CLSTN2: variants seen among roughly 807,000 people sequenced by gnomAD.
The protein encoded by CLSTN2 is calsyntenin-2.
In CLSTN2, 48 loss-of-function variants were observed where a neutral mutation model predicts 101.2. The ratio of observed to expected loss-of-function variants is 0.47; its 90% CI spans 0.38 to 0.60. CLSTN2 has a LOEUF of 0.60. Ranked by LOEUF, CLSTN2 falls within the 20% of genes least tolerant of loss-of-function variation. The probability of loss-of-function intolerance (pLI) is 0.00; values close to 1 mark genes in which losing one functional copy is unlikely to be tolerated. For synonymous variants in CLSTN2, 481 were observed against 463.6 expected, an observed-to-expected ratio of 1.04 and a Z score of -0.48; for missense variants, 1,160 against 1,238.2, an observed-to-expected ratio of 0.94 and a Z score of 0.95.
intron 8 of CLSTN2, among the ~76,000 whole-genome samples, chr3:140,516,550 A>ATTT (rs111255841): frequency 1.3e-4 from 19 of 142,864 alleles, no homozygotes; most frequent in African/African-American, 2.3e-4. Flanking sequence ...TTCTTTTGGC[A>ATTT]TTTTTTTTTT....
chr3:140,064,119 A>G (rs1214368048), intron 1 of CLSTN2, among the ~76,000 whole-genome samples: 2 of 152,162 alleles, frequency 1.3e-5, no homozygotes, highest in African/African-American at 4.8e-5. Context: ...TCTCAGTCTG[A>G]CTGAAGGAGG....
chr3:140,044,959 G>A lies in CLSTN2; in HGVS notation c.109+109476G>A, dbSNP rs372271400. Among the ~76,000 whole-genome samples the A allele has an allele frequency of 9.9e-5, 15 of 152,216 alleles. No individual in the cohort carries two copies. In the East Asian group the frequency reaches 1.5e-3, roughly 16 times the overall value. On this transcript the variant is annotated intron_variant, in intron 1 of 16. Transcript: ENST00000458420. ...ATATTTTATTGAGGATTTTTGCATC[G>A]ATGTTCATCAGGGATATTGGTCTAA...
At chr3:140,268,975 T>C (rs2086718414) in intron 2 of CLSTN2, among the ~76,000 whole-genome samples, 2 of 152,198 alleles carry the variant, frequency 1.3e-5, no homozygotes, top group Non-Finnish European at 2.9e-5. Flanking sequence ...AATATTGTTA[T>C]TCAGTAGAGA....
intron 1 of CLSTN2, among the ~76,000 whole-genome samples, chr3:139,987,519 C>A (rs550997590): frequency 6.6e-6 from 1 of 152,216 alleles, no homozygotes. Context: ...CCAACAGGGT[C>A]TCTTTCCAAA....
chr3:140,177,188 G>T (rs879479919), intron 2 of CLSTN2, among the ~76,000 whole-genome samples: 1 of 152,158 alleles, frequency 6.6e-6, no homozygotes, highest in Admixed American at 6.5e-5. Context: ...AAACCACTAA[G>T]GGTACCTGTG....
chr3:140,265,517 G>C (rs868815326), intron 2 of CLSTN2, among the ~76,000 whole-genome samples: 1 of 152,130 alleles, frequency 6.6e-6, no homozygotes, highest in South Asian at 2.1e-4. Flanking sequence ...CAGCCTTTAA[G>C]AAAACAAGCT....
At chr3:140,510,189 G>A (rs776427551) in intron 8 of CLSTN2, among the ~76,000 whole-genome samples, 46 of 152,274 alleles carry the variant, frequency 3.0e-4, no homozygotes, top group Non-Finnish European at 2.8e-4. Flanking sequence ...TACTGAATAC[G>A]TATTGTTTTT....
intron 1 of CLSTN2, among the ~76,000 whole-genome samples, chr3:140,107,346 C>T (rs571311889): frequency 4.0e-4 from 61 of 152,318 alleles, no homozygotes; most frequent in African/African-American, 1.4e-3. Context: ...TCCACTCCCT[C>T]TCCCTAGCCT....
At chr3:140,172,156 GC>G (rs1331044138) in intron 1 of CLSTN2, among the ~76,000 whole-genome samples, 1 of 137,604 alleles carries the variant, frequency 7.3e-6, no homozygotes, top group Non-Finnish European at 1.5e-5. Context: ...GATTATTCTA[GC>G]CCCCCTCTAA....
intron 5 of CLSTN2, among the ~76,000 whole-genome samples, chr3:140,436,602 C>T (rs569365145): frequency 1.1e-4 from 17 of 152,344 alleles, no homozygotes; most frequent in African/African-American, 2.2e-4. Context: ...GCCCCTGTGG[C>T]TTGGGTGTTC....
At position 140,574,549 on chromosome 3, in the gene CLSTN2, C is replaced by T. The variant is rs1046097157; in HGVS notation, c.*8296C>T. The T allele has an allele frequency of 6.6e-6, 1 of 152,190 alleles. No homozygotes were observed. The highest frequency in any genetic ancestry group is 1.5e-5 in the Non-Finnish European group (1 of 68,040). The allele number at this position is 152,190 out of a possible 1,614,324, so 9.4% of individuals were successfully genotyped here. A position where few individuals can be genotyped will look rare whatever the true frequency, so the allele number is the denominator to read the frequency against. On this transcript the variant is annotated 3_prime_UTR_variant, in exon 17 of 17. Coordinates refer to ENST00000458420, the MANE Select transcript of CLSTN2 (RefSeq NM_022131.3). ...ATTCATCAACATGAAGTTCAATTCC[C>T]AGTAGACTAATGAAAAGAGGGCAAC...
Position 139,943,828 on chromosome 3 carries a change from A to G in CLSTN2, c.109+8345A>G, listed in dbSNP as rs141268400. Among the ~76,000 whole-genome samples the G allele has an allele frequency of 7.6e-4, 116 of 152,308 alleles. 1 individual carries two copies. The East Asian group carries it at 0.019, about 25-fold the overall frequency. ...TTAGGGGCTCAGGCATTCACAGAGC[A>G]AAGGCCAGGACTGGAGGTATCTTCA... On this transcript the variant is annotated intron_variant, in intron 1 of 16. Transcript: ENST00000458420.
At chr3:140,476,042 T>C (rs957787404) in intron 8 of CLSTN2, among the ~76,000 whole-genome samples, 11 of 152,216 alleles carry the variant, frequency 7.2e-5, no homozygotes, top group African/African-American at 2.4e-4. Flanking sequence ...ACCGATTGTG[T>C]CATGCTTCTA....
At chr3:140,482,997 T>C (rs1019139893) in intron 8 of CLSTN2, among the ~76,000 whole-genome samples, 13 of 152,210 alleles carry the variant, frequency 8.5e-5, no homozygotes, top group African/African-American at 2.9e-4. Context: ...TTTGAATGTG[T>C]TTACTCTTGC....
intron 1 of CLSTN2, among the ~76,000 whole-genome samples, chr3:139,954,373 C>T (rs1935350949): frequency 1.3e-5 from 2 of 152,190 alleles, no homozygotes; most frequent in Admixed American, 6.5e-5. Flanking sequence ...TCACATCCAT[C>T]TGGGGCTAGG....
At chr3:140,329,811 T>A (rs559849767) in intron 2 of CLSTN2, among the ~76,000 whole-genome samples, 1 of 152,326 alleles carries the variant, frequency 6.6e-6, no homozygotes, top group East Asian at 1.9e-4. Context: ...TCATTTCTAA[T>A]GGATGCTGAA....
intron 8 of CLSTN2, among the ~76,000 whole-genome samples, chr3:140,509,353 C>T (rs1934752034): frequency 6.6e-6 from 1 of 152,234 alleles, no homozygotes; most frequent in South Asian, 2.1e-4. Flanking sequence ...ACACAAATGG[C>T]CAAGCCCTGC....
intron 2 of CLSTN2, among the ~76,000 whole-genome samples, chr3:140,386,899 C>T (rs2107968024): frequency 2.0e-5 from 3 of 152,314 alleles, no homozygotes; most frequent in Admixed American, 2.0e-4. Flanking sequence ...TGCGCCTGTG[C>T]CCTAAACTTG....
intron 2 of CLSTN2, among the ~76,000 whole-genome samples, chr3:140,336,639 C>T (rs2107933103): frequency 6.6e-6 from 1 of 152,360 alleles, no homozygotes; most frequent in East Asian, 1.9e-4. Flanking sequence ...GCCAAGCACA[C>T]AGACACCCCA....
Sources: allele counts gnomAD v4.1 joint callset (sites outside exome capture counted in the v4.1 genomes callset), GRCh38; gene constraint gnomAD v4.1.1; transcripts MANE v1.5; gene names NCBI Gene and HGNC (gene_info 2026-07-23, HGNC 2026-07-21).